Variants in UBR3 observed in about 807,000 individuals in gnomAD.
The protein encoded by UBR3 is E3 ubiquitin-protein ligase UBR3.
A neutral mutation model predicts 243.2 loss-of-function variants in UBR3; 85 were observed. The observed-to-expected ratio is 0.35, with a 90% CI of 0.29 to 0.42. The LOEUF (loss-of-function observed/expected upper bound fraction) is 0.42. Ranked by LOEUF, UBR3 falls within the 10% of genes least tolerant of loss-of-function variation. The pLI is 1.00. For missense variants in UBR3, 1,686 were observed against 2,300.8 expected (o/e 0.73, Z 5.47); for synonymous variants, 748 against 799.8 (o/e 0.94, Z 1.09).
chr2:169,884,144 T>C (rs1438971732), intron 5 of UBR3, among the ~76,000 whole-genome samples: 1 of 151,282 alleles, frequency 6.6e-6, no homozygotes, highest in African/African-American at 2.4e-5. Flanking sequence ...GTAAGGTATT[T>C]TGGAGAGCTG....
chr2:169,923,065 A>G (rs2085767732), intron 11 of UBR3, among the ~76,000 whole-genome samples: 1 of 152,224 alleles, frequency 6.6e-6, no homozygotes, highest in African/African-American at 2.4e-5. Context: ...TTTGTTTAAG[A>G]AGGACAGCTG....
At chr2:170,006,900 GT>G in intron 27 of UBR3, 89 bp from the exon 28 acceptor site, 1 of 1,085,834 alleles carries the variant, frequency 9.2e-7, no homozygotes, top group Non-Finnish European at 1.3e-6. Context: ...TTTTTCTATG[GT>G]TTATTAATTT....
chr2:170,059,418 T>TAACTA (rs1553541762), intron 33 of UBR3, among the ~76,000 whole-genome samples: 1 of 152,210 alleles, frequency 6.6e-6, no homozygotes, highest in Non-Finnish European at 1.5e-5. Context: ...TAGAGAAACT[T>TAACTA]AACTATGCCA....
intron 3 of UBR3, among the ~76,000 whole-genome samples, chr2:169,876,721 C>A (rs2083632491): frequency 6.6e-6 from 1 of 152,020 alleles, no homozygotes; most frequent in Non-Finnish European, 1.5e-5. Context: ...TCATGCCCAG[C>A]TAATTTTAAT....
intron 32 of UBR3, among the ~76,000 whole-genome samples, chr2:170,049,829 T>TA (rs1291549385): frequency 6.6e-6 from 1 of 152,216 alleles, no homozygotes; most frequent in African/African-American, 2.4e-5. Context: ...CTATCTATCC[T>TA]AATGCCCACT....
At chr2:170,075,914 A>G (rs1385957682) in intron 36 of UBR3, among the ~76,000 whole-genome samples, 1 of 27,934 alleles carries the variant, frequency 3.6e-5, no homozygotes, top group African/African-American at 8.6e-5. Flanking sequence ...ACTATGACAG[A>G]AAAAAAAAAA....
chr2:169,929,432 C>A (rs561460076), intron 18 of UBR3, among the ~76,000 whole-genome samples: 1 of 152,160 alleles, frequency 6.6e-6, no homozygotes, highest in South Asian at 2.1e-4. Context: ...AAAAATTAGT[C>A]AGGCATGGTG....
At chr2:169,974,363 G>C (rs1424880207) in intron 24 of UBR3, among the ~76,000 whole-genome samples, 1 of 152,086 alleles carries the variant, frequency 6.6e-6, no homozygotes, top group African/African-American at 2.4e-5. Flanking sequence ...TATCTGTTCA[G>C]ATTTTTAATT....
chr2:169,999,101 A>G (rs2089601006), intron 26 of UBR3, among the ~76,000 whole-genome samples: 3 of 152,194 alleles, frequency 2.0e-5, no homozygotes, highest in Non-Finnish European at 4.4e-5. Flanking sequence ...CGAATGACTC[A>G]TTGTTTCCAG....
rs140874068 is a variant in UBR3 at position 170,036,147 on chromosome 2, G to T, written c.4557-4735G>T. 2.9e-3 allele frequency among the ~76,000 whole-genome samples: 442 copies of T among 152,084 alleles called. 2 individuals are homozygous for T. The highest frequency in any genetic ancestry group is 0.01 in the African/African-American group (417 of 41,544). On this transcript the variant is annotated intron_variant, in intron 31 of 38. Transcript: ENST00000272793. ...AGTTTTATTTCTTCTCTCCCAATCTGTATAACTTTTATTTCCTTTTCTTAT... is the reference window on the plus strand; with the variant it reads ...AGTTTTATTTCTTCTCTCCCAATCTTTATAACTTTTATTTCCTTTTCTTAT...
intron 24 of UBR3, among the ~76,000 whole-genome samples, chr2:169,969,382 G>T (rs1160655003): frequency 1.3e-5 from 2 of 151,994 alleles, no homozygotes; most frequent in Non-Finnish European, 2.9e-5. Context: ...AGAGATAAGG[G>T]TCTAGTTTCA....
chr2:170,003,698 T>G lies in UBR3; in HGVS notation c.4029+2284T>G, dbSNP rs563179713. The stretch of plus-strand genomic sequence containing the variant: ...ACTCTGTGCCCAGGCTGGAGTGCAG[T>G]GGCGCGATCTCGGCTCACTGCAAGC... On this transcript the variant is annotated intron_variant, in intron 27 of 38. Transcript: ENST00000272793. 4.6e-5 allele frequency among the ~76,000 whole-genome samples: 7 copies of G among 152,116 alleles called. No homozygotes were observed. The South Asian group carries it at 1.5e-3, about 32-fold the overall frequency.
chr2:170,018,434 C>T (rs1017437829), intron 30 of UBR3, among the ~76,000 whole-genome samples: 1 of 152,114 alleles, frequency 6.6e-6, no homozygotes, highest in Non-Finnish European at 1.5e-5. Flanking sequence ...GGTCAGAGCT[C>T]TAGCCCTCCT....
chr2:169,892,312 CT>C (rs1413677064), intron 6 of UBR3, among the ~76,000 whole-genome samples: 2 of 152,126 alleles, frequency 1.3e-5, no homozygotes, highest in Admixed American at 1.3e-4. Context: ...AGATATTAAA[CT>C]GAGTCCTTGT....
chr2:169,844,226 C>G (rs1013943666), intron 1 of UBR3, among the ~76,000 whole-genome samples: 5 of 152,054 alleles, frequency 3.3e-5, no homozygotes, highest in Non-Finnish European at 7.4e-5. Context: ...AGGCTGGTCT[C>G]AAACTCAGGC....
chr2:170,064,542 A>G (rs569802267), intron 35 of UBR3, among the ~76,000 whole-genome samples: 2 of 152,030 alleles, frequency 1.3e-5, no homozygotes, highest in African/African-American at 2.4e-5. Context: ...GTGGTGTGGT[A>G]TGAGGTAAAG....
At chr2:170,042,688 CA>C (rs59694680) in intron 32 of UBR3, among the ~76,000 whole-genome samples, 5,062 of 91,500 alleles carry the variant, frequency 0.055, 130 homozygotes, top group African/African-American at 0.15. Context: ...TACTCTGCCT[CA>C]AAAAAAAAAA....
chr2:169,890,563 A>ATATATATGTG lies in UBR3; in HGVS notation c.1039-601_1039-600insATATATGTGT, dbSNP rs1255881148. Among the ~76,000 whole-genome samples the ATATATATGTG allele has an allele frequency of 5.1e-3, 426 of 83,828 alleles. 15 individuals carry two copies. The highest frequency in any genetic ancestry group is 0.018 in the African/African-American group (360 of 19,664). The allele number at this position is 83,828 out of a possible 152,430, so 55.0% of individuals were successfully genotyped here. ...GAGATATATATATATATATATATAT[A>ATATATATGTG]TGTGTATATATATATATGTATATAT... On this transcript the variant is annotated intron_variant, in intron 5 of 38. Transcript: ENST00000272793.
intron 1 of UBR3, among the ~76,000 whole-genome samples, chr2:169,850,121 A>G (rs1415116705): frequency 6.7e-6 from 1 of 150,254 alleles, no homozygotes; most frequent in Non-Finnish European, 1.5e-5. Context: ...TTGTAAGTCA[A>G]CTGTTTTCTC....
Sources: allele counts gnomAD v4.1 joint callset (sites outside exome capture counted in the v4.1 genomes callset), GRCh38; gene constraint gnomAD v4.1.1; transcripts MANE v1.5; gene names NCBI Gene and HGNC (gene_info 2026-07-23, HGNC 2026-07-21).